CLCNKB: variants seen among roughly 807,000 people sequenced by gnomAD.
CLCNKB encodes chloride channel protein ClC-Kb.
In CLCNKB, 74 loss-of-function variants were observed where a neutral mutation model predicts 83.8. The ratio of observed to expected loss-of-function variants is 0.88; its 90% confidence interval spans 0.73 to 1.07. The LOEUF is 1.07. Ranked by LOEUF, CLCNKB falls within the 50% of genes least tolerant of loss-of-function variation. CLCNKB has a pLI of 0.00. For synonymous variants in CLCNKB, 358 were observed against 356.6 expected, an observed-to-expected ratio of 1.00 and a Z score of -0.04; for missense variants, 798 against 893.6, an observed-to-expected ratio of 0.89 and a Z score of 1.36.
rs569182596 is a variant in CLCNKB, at chr1:16,047,233, TAG to T, written c.358+573_358+574del. 1.3e-3 allele frequency among the ~76,000 whole-genome samples: 190 copies of T among 152,000 alleles called. 1 individual carries two copies. The highest frequency in any genetic ancestry group is 1.8e-3 in the Non-Finnish European group (122 of 67,946). On this transcript the variant is annotated intron_variant, in intron 4 of 19. Transcript: ENST00000375679. ...CTGAGGCAGGAGGATCACTTGTGCC[TAG>T]AGTTTGAGACCAGCCTGGGCAACAC...
At chr1:16,051,186 G>T in intron 12 of CLCNKB, 138 bp downstream of exon 12, 1 of 1,355,744 alleles carries the variant, frequency 7.4e-7, no homozygotes, top group Middle Eastern at 2.2e-4. Context: ...CCATTGCATG[G>T]TCCTGGACAA....
intron 7 of CLCNKB, 166 bp downstream of exon 7, chr1:16,048,748 G>A (rs2023184451): frequency 6.8e-7 from 1 of 1,476,414 alleles, no homozygotes. Flanking sequence ...GGGGGAGGGG[G>A]GGCGGGTGAC....
At chr1:16,047,833 T>TCACA (rs2023143984) in intron 4 of CLCNKB, 72 bp from the exon 5 acceptor site, 1 of 1,515,476 alleles carries the variant, frequency 6.6e-7, no homozygotes, top group Non-Finnish European at 9.2e-7. Context: ...TGTGAAAACA[T>TCACA]CACACAGGTA....
At chr1:16,048,836 T>A in intron 7 of CLCNKB, 1 of 1,440,844 alleles carries the variant, frequency 6.9e-7, no homozygotes, top group Non-Finnish European at 9.1e-7. Flanking sequence ...CCCTGGCCCG[T>A]TGGCCTCTCT....
rs538743005 is a variant in CLCNKB, at chr1:16,050,811, C to T, written c.1054-64C>T. 214 of 1,604,990 alleles carry T rather than the reference C, an allele frequency of 1.3e-4. No individual in the cohort carries two copies. In the South Asian group the frequency reaches 1.5e-3, roughly 11 times the overall value. The stretch of plus-strand genomic sequence containing the variant: ...GGATTCCAGGCGGGGTCAGGCGGTG[C>T]GGGGGAGGCTGGGGTCTGCCGCTGG... On this transcript the variant is annotated intron_variant, in intron 11 of 19. Coordinates refer to ENST00000375679, the MANE Select transcript of CLCNKB (RefSeq NM_000085.5).
At position 16,049,854 on chromosome 1, in the gene CLCNKB, T is replaced by C. The variant is rs1327195187; in HGVS notation, c.906T>C (p.Cys302=). 1.2e-6 allele frequency: 2 copies of C among 1,613,838 alleles called. No homozygotes were observed. Among genetic ancestry groups the C allele is most frequent in the East Asian group, 2.2e-5 (1 of 44,868 alleles). Residue 302 remains cysteine (C), a synonymous_variant, in exon 10 of 20, where the codon TGT becomes TGC. Coordinates refer to ENST00000375679, the MANE Select transcript of CLCNKB (RefSeq NM_000085.5). ...TCCTGGGCAGCGCTTACCTCTTCTG[T>C]CAGCGAATCTTCTTTGGCTTCATCA... is the stretch of plus-strand genomic sequence containing the variant. ...CGILGSAYLF[C]QRIFFGFIRN...
At chr1:16,044,382 C>CACACACA in intron 1 of CLCNKB, 104 bp from the exon 2 acceptor site, 1 of 848,386 alleles carries the variant, frequency 1.2e-6, no homozygotes, top group Non-Finnish European at 2.0e-6. Context: ...CACACACGCA[C>CACACACA]AATCTTTCCT....
chr1:16,054,033 G>T (rs1408103488), intron 16 of CLCNKB, among the ~76,000 whole-genome samples: 1 of 152,144 alleles, frequency 6.6e-6, no homozygotes, highest in Admixed American at 6.5e-5. Flanking sequence ...AGCTGCTGGG[G>T]TAGGAGCATG....
At chr1:16,049,474 G>A in intron 8 of CLCNKB, 144 bp from the exon 9 acceptor site, 2 of 1,531,816 alleles carry the variant, frequency 1.3e-6, no homozygotes, top group Non-Finnish European at 8.9e-7. Context: ...GGAGGCAGGA[G>A]CCTGGTTGTG....
rs540090938 is a variant in CLCNKB, at chr1:16,044,685, C to T, written c.100+93C>T. 2.6e-4 allele frequency: 282 copies of T among 1,072,662 alleles called. 1 individual carries two copies. Among genetic ancestry groups the T allele is most frequent in the Middle Eastern group, 7.9e-4 (4 of 5,068 alleles). 66.4% of individuals were successfully genotyped at this position (1,072,662 alleles called of 1,614,324 possible). ...ACCCCACCTCCCTGCCCAGGAACCA[C>T]CCTCCTCCTGGCATTTGTCCAGGAC... On this transcript the variant is annotated intron_variant, in intron 2 of 19. Coordinates refer to ENST00000375679, the MANE Select transcript of CLCNKB (RefSeq NM_000085.5).
In CLCNKB at chr1:16,056,296, G is replaced by C. The variant is rs12023153; in HGVS notation, c.1930-126G>C. ...TGGCCACATTGGACATTGCAGGCCT[G>C]GGTCTCTTGTCTCCCACACACATCA... On this transcript the variant is annotated intron_variant, in intron 18 of 19. Coordinates refer to ENST00000375679, the MANE Select transcript of CLCNKB (RefSeq NM_000085.5). 459,395 of 988,458 alleles carry C rather than the reference G, an allele frequency of 0.46. 110,510 individuals are homozygous for C. The highest frequency in any genetic ancestry group is 0.82 in the East Asian group (34,166 of 41,754). 61.2% of individuals were successfully genotyped at this position (988,458 alleles called of 1,614,324 possible).
chr1:16,046,412 C>G (rs1570329336), intron 3 of CLCNKB, 123 bp from the exon 4 acceptor site: 1 of 1,348,890 alleles, frequency 7.4e-7, no homozygotes, highest in Non-Finnish European at 1.0e-6. Flanking sequence ...CTGCACCTCA[C>G]TGTGTGGCCT....
chr1:16,044,644 T>C, intron 2 of CLCNKB, 52 bp downstream of exon 2: 1 of 1,449,846 alleles, frequency 6.9e-7, no homozygotes, highest in East Asian at 2.4e-5. Flanking sequence ...CAGGACATCA[T>C]TCCTGCCCAG....
rs752957494 is a variant in CLCNKB at position 16,056,962 on chromosome 1, T to C, written c.*46T>C. On this transcript the variant is annotated 3_prime_UTR_variant, in exon 20 of 20. Transcript: ENST00000375679. ...CAGGGCACCCCAGCTGACCTGGTAC[T>C]GAGGTTGGGCTGAGACCCTGCTTCT... The C allele has an allele frequency of 5.1e-6, 8 of 1,579,468 alleles. No individual in the cohort carries two copies. Among genetic ancestry groups the C allele is most frequent in the Non-Finnish European group, 7.0e-6 (8 of 1,150,872 alleles).
intron 3 of CLCNKB, 60 bp downstream of exon 3, chr1:16,045,746 T>A: frequency 7.3e-7 from 1 of 1,371,860 alleles, no homozygotes; most frequent in Non-Finnish European, 9.9e-7. Context: ...TCTCTGGGGA[T>A]GCCAGGTGGA....
At position 16,052,402 on chromosome 1, in the gene CLCNKB, G is replaced by A. The variant is rs192283350; in HGVS notation, c.1613G>A (p.Arg538His). ...CCATACCTGCCACGGATTCTGGGCC[G>A]CAACATCGGGTGAGTGGTGCCCACC... ...KLPYLPRILG[R>H]NIGSHRVRVE... Residue 538 changes from arginine to histidine, a missense_variant, in exon 15 of 20, where the codon CGC becomes CAC. Transcript: ENST00000375679. The A allele has an allele frequency of 2.0e-5, 33 of 1,613,512 alleles. No individual in the cohort carries two copies. Among genetic ancestry groups the A allele is most frequent in the Middle Eastern group, 1.6e-4 (1 of 6,062 alleles).
rs200238496 is a variant in CLCNKB, at chr1:16,055,448, G to A, written c.1770G>A (p.Leu590=). 3 of 1,613,538 alleles carry A rather than the reference G, an allele frequency of 1.9e-6. No individual in the cohort carries two copies. The highest frequency in any genetic ancestry group is 1.3e-5 in the African/African-American group (1 of 74,984). Reference sequence around the variant, plus strand: ...TCCACTTGCCAGAGTCCCAGATCCTGGTGGGCATAGTGCGAAGGGCCCAGC... The same window carrying A: ...TCCACTTGCCAGAGTCCCAGATCCTAGTGGGCATAGTGCGAAGGGCCCAGC... ...PLVESTESQI[L]VGIVRRAQLV... is the part of the protein sequence containing the mutation. The change falls in exon 17 of 20, where the codon CTG becomes CTA. Residue 590 remains leucine (L), a synonymous_variant. Coordinates refer to ENST00000375679, the MANE Select transcript of CLCNKB (RefSeq NM_000085.5).
In CLCNKB at chr1:16,050,907, C is replaced by T. The variant is rs755939381; in HGVS notation, c.1086C>T (p.Phe362=). Residue 362 remains phenylalanine, a synonymous_variant, in exon 12 of 20, where the codon TTC becomes TTT. Coordinates refer to ENST00000375679, the MANE Select transcript of CLCNKB (RefSeq NM_000085.5). ...TGAAGCAGCATCTGGACTCGCTGTT[C>T]GACAACCACTCCTGGGCGCTGATGA... The part of the protein sequence containing the change: ...LSMKQHLDSL[F]DNHSWALMTQ... The T allele has an allele frequency of 6.2e-6, 10 of 1,612,426 alleles. No individual in the cohort carries two copies. Among genetic ancestry groups the T allele is most frequent in the South Asian group, 3.3e-5 (3 of 91,022 alleles).
At chr1:16,049,474 G>T (rs2023212897) in intron 8 of CLCNKB, 144 bp from the exon 9 acceptor site, 22 of 1,531,818 alleles carry the variant, frequency 1.4e-5, no homozygotes, top group Non-Finnish European at 2.0e-5. Context: ...GGAGGCAGGA[G>T]CCTGGTTGTG....
Sources: gnomAD v4.1 joint callset for allele counts (sites outside exome capture counted in the v4.1 genomes callset) on GRCh38, gnomAD v4.1.1 for gene constraint, MANE v1.5 for transcripts, NCBI Gene and HGNC (gene_info 2026-07-23, HGNC 2026-07-21) for gene names.